Variants in SENP6 observed in about 807,000 individuals in gnomAD.
The protein encoded by SENP6 is SUMO specific peptidase 6.
In SENP6, 41 loss-of-function variants were observed where a neutral mutation model predicts 134.5. The ratio of observed to expected loss-of-function variants is 0.30; its 90% confidence interval spans 0.24 to 0.40. The LOEUF (loss-of-function observed/expected upper bound fraction) is 0.40, where lower values mean the gene tolerates loss of function less well. Among genes scored for constraint, SENP6 ranks in the 10% least tolerant of loss-of-function variants. SENP6 has a pLI of 1.00. For missense variants in SENP6, 1,248 were observed against 1,312.5 expected (o/e 0.95, Z 0.76); for synonymous variants, 395 against 429.8 (o/e 0.92, Z 1.00).
At chr6:75,636,220 G>A (rs1426995758) in intron 5 of SENP6, among the ~76,000 whole-genome samples, 3 of 152,068 alleles carry the variant, frequency 2.0e-5, no homozygotes, top group Non-Finnish European at 4.4e-5. Context: ...ACAACAACCT[G>A]AGTTAATTTG....
chr6:75,643,787 A>T (rs1770212164), intron 6 of SENP6, among the ~76,000 whole-genome samples: 1 of 152,224 alleles, frequency 6.6e-6, no homozygotes, highest in South Asian at 2.1e-4. Flanking sequence ...AAACTGGTTT[A>T]TCAGTTAAAT....
At chr6:75,646,619 G>A (rs55839204) in intron 6 of SENP6, 40,131 of 152,038 alleles carry the variant, frequency 0.26, 6,235 homozygotes, top group Non-Finnish European at 0.37. Flanking sequence ...GGCAGATCAC[G>A]AGGTCAGGAG....
chr6:75,637,732 T>A (rs1371652965), intron 5 of SENP6, among the ~76,000 whole-genome samples: 1 of 152,106 alleles, frequency 6.6e-6, no homozygotes, highest in Non-Finnish European at 1.5e-5. Context: ...ATCTTTATCT[T>A]TTAAGTCTTC....
chr6:75,626,506 T>C (rs1489690421), intron 3 of SENP6, among the ~76,000 whole-genome samples: 1 of 152,182 alleles, frequency 6.6e-6, no homozygotes, highest in African/African-American at 2.4e-5. Context: ...CTTCATTGGA[T>C]GGATATACTG....
intron 16 of SENP6, among the ~76,000 whole-genome samples, chr6:75,680,836 C>T (rs1359466288): frequency 6.6e-6 from 1 of 152,068 alleles, no homozygotes; most frequent in Non-Finnish European, 1.5e-5. Flanking sequence ...ACTTTTAGTC[C>T]CACCTCACAA....
chr6:75,703,095 A>G (rs1325336989), intron 19 of SENP6, 23 bp downstream of exon 19: 9 of 1,508,558 alleles, frequency 6.0e-6, no homozygotes, highest in African/African-American at 1.4e-5. Flanking sequence ...ATGTTTTGAA[A>G]GAATGAAAAA....
At chr6:75,654,377 C>A (rs1771153959) in intron 7 of SENP6, among the ~76,000 whole-genome samples, 1 of 152,152 alleles carries the variant, frequency 6.6e-6, no homozygotes, top group Non-Finnish European at 1.5e-5. Context: ...CTTATTTGAA[C>A]AAATAATGTA....
chr6:75,635,214 A>G (rs1350630391), intron 5 of SENP6, among the ~76,000 whole-genome samples: 1 of 152,172 alleles, frequency 6.6e-6, no homozygotes, highest in Admixed American at 6.5e-5. Flanking sequence ...AAGTCACATT[A>G]GTTTTAAATG....
At chr6:75,653,982 G>A (rs529780172) in intron 7 of SENP6, among the ~76,000 whole-genome samples, 1 of 152,282 alleles carries the variant, frequency 6.6e-6, no homozygotes, top group South Asian at 2.1e-4. Flanking sequence ...CCAGCACTTT[G>A]GGAGGCCAGG....
In SENP6 at chr6:75,702,759, C is replaced by G; in HGVS notation, c.2403C>G (p.Asp801Glu). The G allele has an allele frequency of 6.2e-7, 1 of 1,613,990 alleles. No individual in the cohort carries two copies. The highest frequency in any genetic ancestry group is 8.5e-7 in the Non-Finnish European group (1 of 1,179,966). The change falls in exon 19 of 24, where the codon GAC becomes GAG. Residue 801 changes from aspartate to glutamate, a missense_variant. Transcript: ENST00000447266. ...TACAGAAATGTTCAACTGTAGAGGA[C>G]AGTTGTATTTCTTCTTCAGCCAGTG... is the stretch of plus-strand genomic sequence containing the variant. ...AVIQKCSTVE[D>E]SCISSSASEM...
chr6:75,705,773 GA>G (rs1205546578), intron 19 of SENP6, among the ~76,000 whole-genome samples: 2 of 150,982 alleles, frequency 1.3e-5, no homozygotes, highest in African/African-American at 4.9e-5. Flanking sequence ...TGGAACTAAT[GA>G]ATCTTATTTG....
chr6:75,702,960 G>A lies in SENP6; in HGVS notation c.2604G>A (p.Ala868=), dbSNP rs763431068. Residue 868 remains alanine, a synonymous_variant, in exon 19 of 24, where the codon GCG becomes GCA. Coordinates refer to ENST00000447266, the MANE Select transcript of SENP6 (RefSeq NM_015571.4). ...KYSVKKINHT[A]SENEEFNKGE... is the part of the protein sequence containing the mutation. ...GTGTGAAAAAAATAAATCATACTGC[G>A]AGTGAAAATGAAGAATTCAATAAAG... 61 of 1,613,720 alleles carry A rather than the reference G, an allele frequency of 3.8e-5. No homozygotes were observed. The East Asian group carries it at 6.0e-4, about 16-fold the overall frequency.
rs1363158838 is a variant in SENP6, at chr6:75,703,192, AC to A, written c.2716+121del. On this transcript the variant is annotated intron_variant, in intron 19 of 23. Transcript: ENST00000447266. ...GGTTAATGACTGGGTGTGGTGGCTC[AC>A]GCTTATAATCCCAGCACTTTGGGAG... 4 of 856,090 alleles carry A rather than the reference AC, an allele frequency of 4.7e-6. No individual in the cohort carries two copies. In the Admixed American group the frequency reaches 1.1e-4, roughly 24 times the overall value. 53.0% of individuals were successfully genotyped at this position (856,090 alleles called of 1,614,324 possible). A position where few individuals can be genotyped will look rare whatever the true frequency, so the allele number is the denominator to read the frequency against.
intron 19 of SENP6, among the ~76,000 whole-genome samples, chr6:75,709,233 CACATAT>C (rs2149905637): frequency 6.6e-6 from 1 of 152,142 alleles, no homozygotes; most frequent in African/African-American, 2.4e-5. Context: ...TATTTGTTTA[CACATAT>C]ACATATGTAT....
chr6:75,690,683 G>C (rs11759036), intron 16 of SENP6, among the ~76,000 whole-genome samples: 3 of 151,150 alleles, frequency 2.0e-5, no homozygotes, highest in Admixed American at 6.6e-5. Context: ...TGTTTGTTTT[G>C]GTTTTTTTGT....
Position 75,670,657 on chromosome 6 carries a change from C to A in SENP6, c.1329C>A (p.Val443=). Residue 443 remains valine (V), a synonymous_variant, in exon 11 of 24, where the codon GTC becomes GTA. Coordinates refer to ENST00000447266, the MANE Select transcript of SENP6 (RefSeq NM_015571.4). ...ALSCQSSFDS[V]ILNCRSIRVG... ...GCTGCCAAAGTTCCTTTGACAGTGT[C>A]ATTTTAAACTGTCGAAGTATACGAG... is the stretch of plus-strand genomic sequence containing the variant. 1.9e-6 allele frequency: 3 copies of A among 1,613,360 alleles called. No homozygotes were observed.
At chr6:75,689,173 G>A (rs1393704660) in intron 16 of SENP6, among the ~76,000 whole-genome samples, 1 of 152,174 alleles carries the variant, frequency 6.6e-6, no homozygotes, top group Admixed American at 6.5e-5. Context: ...TTGAGGCTAC[G>A]GTGAGCTATG....
intron 5 of SENP6, among the ~76,000 whole-genome samples, chr6:75,637,894 T>G (rs1453768068): frequency 6.6e-6 from 1 of 152,128 alleles, no homozygotes; most frequent in Non-Finnish European, 1.5e-5. Flanking sequence ...GTCTCGCTCT[T>G]CTACTGCCCA....
intron 1 of SENP6, among the ~76,000 whole-genome samples, chr6:75,620,165 T>G (rs1175377199): frequency 2.0e-5 from 3 of 152,138 alleles, no homozygotes; most frequent in African/African-American, 7.2e-5. Context: ...TGATTTGCAT[T>G]TTTTAATGGT....
Sources: gnomAD v4.1 joint callset for allele counts (sites outside exome capture counted in the v4.1 genomes callset) on GRCh38, gnomAD v4.1.1 for gene constraint, MANE v1.5 for transcripts, NCBI Gene and HGNC (gene_info 2026-07-23, HGNC 2026-07-21) for gene names.